RNF150: variants seen among roughly 807,000 people sequenced by gnomAD.
RNF150 encodes ring finger protein 150.
RNF150 carries 24 observed loss-of-function variants against 39.3 expected under a neutral mutation model. The ratio of observed to expected loss-of-function variants is 0.61; its 90% CI spans 0.44 to 0.86. The LOEUF (loss-of-function observed/expected upper bound fraction) is 0.86. Ranked by LOEUF, RNF150 falls within the 40% of genes least tolerant of loss-of-function variation. RNF150 has a pLI of 0.00. For synonymous variants in RNF150, 255 were observed against 227.3 expected (o/e 1.12, Z -1.10); for missense variants, 502 against 587.8 (o/e 0.85, Z 1.51).
chr4:141,153,504 TC>T (rs1027033100), intron 1 of RNF150, among the ~76,000 whole-genome samples: 3 of 152,136 alleles, frequency 2.0e-5, no homozygotes, highest in Admixed American at 6.5e-5. Flanking sequence ...ATCTTGAACT[TC>T]AAGCTCTTAG....
chr4:141,195,418 C>T (rs1304312015), intron 1 of RNF150, among the ~76,000 whole-genome samples: 1 of 152,146 alleles, frequency 6.6e-6, no homozygotes, highest in Non-Finnish European at 1.5e-5. Context: ...GGTTTTCTCC[C>T]TGTATCTTTT....
At chr4:140,980,355 T>A (rs1315509533) in intron 1 of RNF150, among the ~76,000 whole-genome samples, 1 of 152,142 alleles carries the variant, frequency 6.6e-6, no homozygotes, top group Non-Finnish European at 1.5e-5. Context: ...CTTTAGGCTA[T>A]TTTTAACAAT....
intron 1 of RNF150, among the ~76,000 whole-genome samples, chr4:141,115,361 G>C (rs751138167): frequency 2.3e-4 from 35 of 152,118 alleles, no homozygotes; most frequent in Non-Finnish European, 4.9e-4. Flanking sequence ...CACAAACAGA[G>C]AGCCAAATCA....
intron 4 of RNF150, among the ~76,000 whole-genome samples, chr4:140,941,734 TA>T (rs1732089647): frequency 6.6e-6 from 1 of 152,156 alleles, no homozygotes; most frequent in African/African-American, 2.4e-5. Context: ...ATGTTAGCGA[TA>T]GTCACAGAAA....
chr4:141,085,184 G>C (rs1738314043), intron 1 of RNF150, among the ~76,000 whole-genome samples: 1 of 152,158 alleles, frequency 6.6e-6, no homozygotes, highest in Non-Finnish European at 1.5e-5. Flanking sequence ...ATGGCGGCAG[G>C]CAAGACAGCA....
intron 1 of RNF150, among the ~76,000 whole-genome samples, chr4:141,022,807 A>G (rs1735544948): frequency 6.6e-6 from 1 of 152,136 alleles, no homozygotes; most frequent in Non-Finnish European, 1.5e-5. Flanking sequence ...TGTATCACCA[A>G]ACAAAGTGTC....
rs373842980 is a variant in RNF150, at chr4:140,926,064, G to A, written c.900C>T (p.Phe300=). The change falls in exon 5 of 7, where the codon TTC becomes TTT. Residue 300 remains phenylalanine, a synonymous_variant. Transcript: ENST00000515673. The stretch of plus-strand genomic sequence containing the variant: ...GCCAGGGGTCAACACAGGACTTGTG[G>A]AAAAGATGCCTGCAATGAGAACCAT... ...VVRILPCRHL[F]HKSCVDPWLL... 2.0e-4 allele frequency: 327 copies of A among 1,612,254 alleles called. No individual in the cohort carries two copies. Among genetic ancestry groups the A allele is most frequent in the Admixed American group, 5.8e-4 (35 of 59,996 alleles).
At chr4:141,019,971 G>C (rs918047194) in intron 1 of RNF150, among the ~76,000 whole-genome samples, 3 of 151,998 alleles carry the variant, frequency 2.0e-5, no homozygotes, top group Non-Finnish European at 2.9e-5. Context: ...TGTACCACTC[G>C]CTTGAAAAAT....
chr4:141,127,785 C>T lies in RNF150; in HGVS notation c.484+4540G>A, dbSNP rs147819540. Among the ~76,000 whole-genome samples the T allele has an allele frequency of 3.1e-3, 466 of 152,244 alleles. 1 individual carries two copies. Among genetic ancestry groups the T allele is most frequent in the African/African-American group, 9.9e-3 (413 of 41,532 alleles). ...TCCTAGACAGCTAGATGTTTCATTTCCTGTTGATTATGTACTAGCAATAGA... is the reference window on the plus strand; with the variant it reads ...TCCTAGACAGCTAGATGTTTCATTTTCTGTTGATTATGTACTAGCAATAGA... On this transcript the variant is annotated intron_variant, in intron 1 of 6. Transcript: ENST00000515673.
chr4:140,905,315 G>A (rs1419715938), intron 6 of RNF150, among the ~76,000 whole-genome samples: 1 of 152,032 alleles, frequency 6.6e-6, no homozygotes, highest in African/African-American at 2.4e-5. Flanking sequence ...CTTAGTTGAA[G>A]ACCATCAAGA....
At chr4:141,052,436 C>T (rs758442478) in intron 1 of RNF150, among the ~76,000 whole-genome samples, 51 of 152,194 alleles carry the variant, frequency 3.4e-4, no homozygotes, top group African/African-American at 1.0e-3. Flanking sequence ...AGTGCAGTGG[C>T]GCGATCTTGG....
chr4:141,207,641 T>C (rs1728395610), intron 1 of RNF150, among the ~76,000 whole-genome samples: 1 of 152,228 alleles, frequency 6.6e-6, no homozygotes, highest in Non-Finnish European at 1.5e-5. Flanking sequence ...CCTCCTGACA[T>C]CATAATTTGG....
chr4:140,983,849 C>T (rs545374247), intron 1 of RNF150, among the ~76,000 whole-genome samples: 37 of 148,452 alleles, frequency 2.5e-4, no homozygotes, highest in African/African-American at 8.7e-4. Context: ...AAGTGATTTT[C>T]GTGTCTCAGC....
At chr4:141,114,865 T>C (rs1286731807) in intron 1 of RNF150, among the ~76,000 whole-genome samples, 2 of 152,074 alleles carry the variant, frequency 1.3e-5, no homozygotes, top group African/African-American at 2.4e-5. Context: ...GTGTAATTCA[T>C]CACATAAACA....
At chr4:141,015,287 T>C (rs1380254029) in intron 1 of RNF150, among the ~76,000 whole-genome samples, 1 of 152,208 alleles carries the variant, frequency 6.6e-6, no homozygotes, top group African/African-American at 2.4e-5. Flanking sequence ...CAAGACTGTT[T>C]TGGCTATTTG....
chr4:141,178,697 C>T (rs546782891), intron 1 of RNF150, among the ~76,000 whole-genome samples: 1 of 152,182 alleles, frequency 6.6e-6, no homozygotes, highest in African/African-American at 2.4e-5. Flanking sequence ...ATGGTGCTGA[C>T]AAGGGCCAGG....
At chr4:140,937,856 T>C (rs1213542814) in intron 4 of RNF150, among the ~76,000 whole-genome samples, 3 of 152,162 alleles carry the variant, frequency 2.0e-5, no homozygotes, top group Non-Finnish European at 4.4e-5. Flanking sequence ...TATAAATAGA[T>C]TGACCAATTC....
rs548548814 is a variant in RNF150 at position 141,000,855 on chromosome 4, A to C, written c.485-32982T>G. 9.1e-4 allele frequency among the ~76,000 whole-genome samples: 139 copies of C among 152,334 alleles called. 2 individuals carry two copies. In the South Asian group the frequency reaches 0.028, roughly 31 times the overall value. ...TTGGAAGTTTTTTCAACTTGCTAGAATCACAAATGGTACCAAATATAAATA... is the reference window on the plus strand; with the variant it reads ...TTGGAAGTTTTTTCAACTTGCTAGACTCACAAATGGTACCAAATATAAATA... On this transcript the variant is annotated intron_variant, in intron 1 of 6. Transcript: ENST00000515673.
intron 1 of RNF150, among the ~76,000 whole-genome samples, chr4:141,045,497 T>C (rs1736539654): frequency 6.6e-6 from 1 of 152,100 alleles, no homozygotes; most frequent in African/African-American, 2.4e-5. Context: ...GAATACATTC[T>C]TTTTTTATAT....
Sources: gnomAD v4.1 joint callset for allele counts (sites outside exome capture counted in the v4.1 genomes callset) on GRCh38, gnomAD v4.1.1 for gene constraint, MANE v1.5 for transcripts, NCBI Gene and HGNC (gene_info 2026-07-23, HGNC 2026-07-21) for gene names.